Variants in INPP5D observed in about 807,000 individuals in gnomAD.
INPP5D encodes inositol polyphosphate-5-phosphatase D, also known as phosphatidylinositol 3,4,5-trisphosphate 5-phosphatase 1.
Under a neutral mutation model 122.9 loss-of-function variants are expected in INPP5D, and 33 were observed. The observed-to-expected ratio is 0.27, with a 90% confidence interval of 0.20 to 0.36. INPP5D has a LOEUF of 0.36. Ranked by LOEUF, INPP5D falls within the 10% of genes least tolerant of loss-of-function variation. The pLI is 1.00. For missense variants in INPP5D, 1,053 were observed against 1,412.7 expected (o/e 0.75, Z 4.08); for synonymous variants, 584 against 576.2 (o/e 1.01, Z -0.19).
At chr2:233,203,892 A>G (rs1357882266) in intron 25 of INPP5D, among the ~76,000 whole-genome samples, 1 of 152,168 alleles carries the variant, frequency 6.6e-6, no homozygotes, top group Non-Finnish European at 1.5e-5. Flanking sequence ...GGCAGCAGTG[A>G]GCCATGACCG....
chr2:233,159,868 C>T (rs1694158930), intron 10 of INPP5D, among the ~76,000 whole-genome samples: 1 of 152,072 alleles, frequency 6.6e-6, no homozygotes, highest in Non-Finnish European at 1.5e-5. Flanking sequence ...CTTTCACCTC[C>T]AAAGCATCAG....
At chr2:233,181,105 C>A (rs998347786) in intron 18 of INPP5D, among the ~76,000 whole-genome samples, 1 of 152,196 alleles carries the variant, frequency 6.6e-6, no homozygotes, top group Admixed American at 6.5e-5. Flanking sequence ...TTCTCCACTA[C>A]CAACCAGTGC....
intron 2 of INPP5D, among the ~76,000 whole-genome samples, chr2:233,114,402 C>T (rs1435342345): frequency 6.6e-6 from 1 of 152,228 alleles, no homozygotes; most frequent in Admixed American, 6.5e-5. Context: ...GAAAGCATTT[C>T]AGGGGTTGCA....
At position 233,189,067 on chromosome 2, in the gene INPP5D, C is replaced by T. The variant is rs1163672660; in HGVS notation, c.2359-783C>T. Among the ~76,000 whole-genome samples the T allele has an allele frequency of 1.3e-5, 2 of 152,176 alleles. No homozygotes were observed. The highest frequency in any genetic ancestry group is 6.5e-5 in the Admixed American group (1 of 15,286). On this transcript the variant is annotated intron_variant, in intron 21 of 26. Transcript: ENST00000445964. The surrounding 1 kb of genome is among the most constrained non-coding windows in gnomAD (Gnocchi z 5.6). ...TGAAAAAGTCATAACTCGTGGCAGA[C>T]GAGGAGCTAGTGTGCGTGTGATGCT... is the stretch of plus-strand genomic sequence containing the variant.
At chr2:233,068,326 G>A (rs1165162807) in intron 1 of INPP5D, among the ~76,000 whole-genome samples, 1 of 151,084 alleles carries the variant, frequency 6.6e-6, no homozygotes, top group Non-Finnish European at 1.5e-5. Context: ...CAGGTGTGGT[G>A]GCTCACACCT....
chr2:233,200,031 C>T (rs1025343866), intron 25 of INPP5D, among the ~76,000 whole-genome samples: 5 of 152,110 alleles, frequency 3.3e-5, no homozygotes, highest in African/African-American at 4.8e-5. Flanking sequence ...TAGTTAGAAA[C>T]TGGAACTAGG....
rs775375341 is a variant in INPP5D at position 233,161,834 on chromosome 2, C to T, written c.1240+8C>T. The stretch of plus-strand genomic sequence containing the variant: ...TCGGCACCTGGAACATGGGTGGGTC[C>T]GCGCGCCCCCTCCCTGCAGTCACCC... On this transcript the variant is annotated splice_region_variant and intron_variant, in intron 11 of 26. Transcript: ENST00000445964. 23 of 1,609,648 alleles carry T rather than the reference C, an allele frequency of 1.4e-5. No individual in the cohort carries two copies. In the African/African-American group the frequency reaches 1.7e-4, roughly 12 times the overall value.
At chr2:233,072,473 G>T (rs746035893) in intron 1 of INPP5D, among the ~76,000 whole-genome samples, 1 of 151,934 alleles carries the variant, frequency 6.6e-6, no homozygotes, top group African/African-American at 2.4e-5. Context: ...CCTGATTTTG[G>T]TTATGTTATG....
chr2:233,080,775 C>A (rs1326474450), intron 2 of INPP5D, among the ~76,000 whole-genome samples: 2 of 152,132 alleles, frequency 1.3e-5, no homozygotes, highest in Non-Finnish European at 2.9e-5. Context: ...CAAAAATCCT[C>A]CAGAAGTTGT....
In INPP5D at chr2:233,170,943, G is replaced by A; in HGVS notation, c.1901-121G>A. ...AAAAAAAGCAGCAGCCTCTCCTCTT[G>A]GAGCCTTTCCAGCCATCCTTTCGTC... On this transcript the variant is annotated intron_variant, in intron 16 of 26. Transcript: ENST00000445964. This position sits in a 1 kb window ranked among gnomAD's most constrained non-coding sequence, Gnocchi z 4.5. The A allele has an allele frequency of 7.6e-7, 1 of 1,316,306 alleles. No homozygotes were observed. Among genetic ancestry groups the A allele is most frequent in the South Asian group, 1.4e-5 (1 of 69,144 alleles). The allele number at this position is 1,316,306 out of a possible 1,614,324, so 81.5% of individuals were successfully genotyped here. A position where few individuals can be genotyped will look rare whatever the true frequency, so the allele number is the denominator to read the frequency against.
intron 1 of INPP5D, among the ~76,000 whole-genome samples, chr2:233,074,257 G>C (rs897213933): frequency 2.4e-4 from 36 of 152,248 alleles, no homozygotes; most frequent in African/African-American, 8.4e-4. Flanking sequence ...ACAGAGGATG[G>C]GCTCCCTCCA....
At chr2:233,122,771 C>T (rs1420285734) in intron 3 of INPP5D, among the ~76,000 whole-genome samples, 1 of 152,034 alleles carries the variant, frequency 6.6e-6, no homozygotes, top group Non-Finnish European at 1.5e-5. Flanking sequence ...TGCACCACTG[C>T]ACTCTAGCCT....
At chr2:233,136,490 G>GAAA (rs1693469673) in intron 5 of INPP5D, among the ~76,000 whole-genome samples, 1 of 112,824 alleles carries the variant, frequency 8.9e-6, no homozygotes, top group Non-Finnish European at 1.9e-5. Flanking sequence ...AAAAAAAAAG[G>GAAA]AAATAGAATA....
chr2:233,204,772 G>C lies in INPP5D; in HGVS notation c.3567+55G>C, dbSNP rs924552471. On this transcript the variant is annotated intron_variant, in intron 26 of 26. Transcript: ENST00000445964. The stretch of plus-strand genomic sequence containing the variant: ...CATTTGTGTGTGTGTGCATGCGTGA[G>C]TGCGTATGTGTGTACCTATGCATAT... 4 of 1,441,862 alleles carry C rather than the reference G, an allele frequency of 2.8e-6. No individual in the cohort carries two copies. In the Admixed American group the frequency reaches 1.1e-4, roughly 38 times the overall value. The allele number at this position is 1,441,862 out of a possible 1,614,324, so 89.3% of individuals were successfully genotyped here.
chr2:233,199,463 G>C (rs1186263108), intron 25 of INPP5D, among the ~76,000 whole-genome samples: 1 of 151,886 alleles, frequency 6.6e-6, no homozygotes, highest in East Asian at 1.9e-4. Context: ...TTGAACCTAG[G>C]AGGCAGAGGT....
chr2:233,129,884 T>TTGTGTG (rs140392015), intron 4 of INPP5D, among the ~76,000 whole-genome samples: 160 of 149,830 alleles, frequency 1.1e-3, no homozygotes, highest in East Asian at 3.0e-3. Flanking sequence ...TGGCCTCCTT[T>TTGTGTG]TGTGTGTGTG....
In INPP5D at chr2:233,188,984, A is replaced by G. The variant is rs1386684845; in HGVS notation, c.2359-866A>G. ...GGGAGGGAATCGCCTAGAACAAAGTATCACCTTTTTATTTGGCCCTTCTGT... is the reference window on the plus strand; with the variant it reads ...GGGAGGGAATCGCCTAGAACAAAGTGTCACCTTTTTATTTGGCCCTTCTGT... On this transcript the variant is annotated intron_variant, in intron 21 of 26. Coordinates refer to ENST00000445964, the MANE Select transcript of INPP5D (RefSeq NM_001017915.3). The surrounding 1 kb of genome is among the most constrained non-coding windows in gnomAD (Gnocchi z 4.7). 6.6e-6 allele frequency among the ~76,000 whole-genome samples: 1 copy of G among 152,194 alleles called. No individual in the cohort carries two copies. Among genetic ancestry groups the G allele is most frequent in the Non-Finnish European group, 1.5e-5 (1 of 68,032 alleles).
intron 13 of INPP5D, among the ~76,000 whole-genome samples, chr2:233,168,031 A>G (rs10177873): frequency 0.25 from 31,344 of 123,252 alleles, 3,706 homozygotes; most frequent in East Asian, 0.39. Context: ...AAAAAGAAAG[A>G]AAGGAAGAAA....
At chr2:233,165,566 G>A (rs920259313) in intron 13 of INPP5D, among the ~76,000 whole-genome samples, 1 of 151,880 alleles carries the variant, frequency 6.6e-6, no homozygotes, top group African/African-American at 2.4e-5. Context: ...ATGTGTGTGT[G>A]TCCATGCATG....
Sources: allele counts gnomAD v4.1 joint callset (sites outside exome capture counted in the v4.1 genomes callset), GRCh38; gene constraint gnomAD v4.1.1; non-coding constraint Gnocchi (gnomAD v3.1); transcripts MANE v1.5; gene names NCBI Gene and HGNC (gene_info 2026-07-23, HGNC 2026-07-21).